SCN11A: variants seen among roughly 807,000 people sequenced by gnomAD.
The protein encoded by SCN11A is sodium channel protein type 11 subunit alpha.
SCN11A carries 122 observed loss-of-function variants against 162.2 expected under a neutral mutation model. The ratio of observed to expected loss-of-function variants is 0.75; its 90% CI spans 0.65 to 0.87. The LOEUF (loss-of-function observed/expected upper bound fraction) is 0.87, where lower values mean the gene tolerates loss of function less well. Among genes scored for constraint, SCN11A ranks in the 40% least tolerant of loss-of-function variants. The probability of loss-of-function intolerance (pLI) is 0.00; values close to 1 mark genes in which losing one functional copy is unlikely to be tolerated. For synonymous variants in SCN11A, 758 were observed against 751.5 expected, an observed-to-expected ratio of 1.01 and a Z score of -0.14; for missense variants, 2,015 against 2,181.6, an observed-to-expected ratio of 0.92 and a Z score of 1.52.
intron 2 of SCN11A, among the ~76,000 whole-genome samples, chr3:39,001,477 T>A (rs970957682): frequency 6.6e-6 from 1 of 152,382 alleles, no homozygotes; most frequent in Non-Finnish European, 1.5e-5. Context: ...TATGGCCAAA[T>A]AATATTCTAT....
At chr3:39,013,521 G>A (rs1422965416) in intron 2 of SCN11A, among the ~76,000 whole-genome samples, 1 of 151,870 alleles carries the variant, frequency 6.6e-6, no homozygotes, top group Non-Finnish European at 1.5e-5. Context: ...CTTGGAAAAT[G>A]CAGCCCACAG....
intron 3 of SCN11A, among the ~76,000 whole-genome samples, chr3:38,958,145 C>G (rs1377473871): frequency 1.3e-5 from 2 of 152,354 alleles, no homozygotes; most frequent in South Asian, 2.1e-4. Flanking sequence ...CATCCTTCCC[C>G]ACTCTGCTCA....
chr3:38,898,586 C>T (rs931614725), intron 17 of SCN11A, among the ~76,000 whole-genome samples: 10 of 152,162 alleles, frequency 6.6e-5, no homozygotes, highest in Non-Finnish European at 2.9e-5. Context: ...CTATTCAAGA[C>T]TTGTATACTT....
intron 11 of SCN11A, among the ~76,000 whole-genome samples, chr3:38,919,353 T>C (rs1307059635): frequency 6.6e-6 from 1 of 152,224 alleles, no homozygotes; most frequent in Non-Finnish European, 1.5e-5. Context: ...TCAGAGTACC[T>C]TGCATATTAT....
At chr3:38,963,397 TATATATATATATATATATATGATGGAG>T (rs1559558297) in intron 2 of SCN11A, among the ~76,000 whole-genome samples, 755 of 57,102 alleles carry the variant, frequency 0.013, 45 homozygotes, top group African/African-American at 0.085. Context: ...GATGGAGATA[TATATATATATATATATATATGATGGAG>T]ATATATATAT....
chr3:39,015,564 C>A (rs1399097610), intron 2 of SCN11A, among the ~76,000 whole-genome samples: 1 of 152,082 alleles, frequency 6.6e-6, no homozygotes, highest in African/African-American at 2.4e-5. Context: ...ATACTCTGTG[C>A]CTCTCCTAAT....
intron 7 of SCN11A, among the ~76,000 whole-genome samples, chr3:38,939,420 G>A (rs1268161499): frequency 1.3e-5 from 2 of 151,912 alleles, no homozygotes; most frequent in East Asian, 3.8e-4. Context: ...GAAGAATATA[G>A]CAAAATATTC....
At chr3:38,895,751 T>C (rs543027627) in intron 18 of SCN11A, among the ~76,000 whole-genome samples, 71 of 152,210 alleles carry the variant, frequency 4.7e-4, no homozygotes, top group African/African-American at 1.7e-3. Context: ...TCTATCTGTC[T>C]AAGTCCTCCT....
rs201598026 is a variant in SCN11A, at chr3:38,894,838, A to G, written c.2530T>C (p.Cys844Arg). 2.5e-5 allele frequency: 40 copies of G among 1,614,098 alleles called. No individual in the cohort carries two copies. Among genetic ancestry groups the G allele is most frequent in the Non-Finnish European group, 3.2e-5 (38 of 1,180,042 alleles). Residue 844 changes from cysteine to arginine, a missense_variant, in exon 19 of 30, where the codon TGT (cysteine) becomes CGT (arginine). Transcript: ENST00000302328. ...LALDRFRRAFCFVRHTLEHFC... is the reference protein window; with the variant it reads ...LALDRFRRAFRFVRHTLEHFC... ...TGCTCAAGAGTGTGTCTCACAAAAC[A>G]AAAAGCCCGGCGGAATCGATCCAGT...
chr3:38,961,432 C>G (rs900948507), intron 2 of SCN11A, among the ~76,000 whole-genome samples: 3 of 152,200 alleles, frequency 2.0e-5, no homozygotes, highest in Non-Finnish European at 2.9e-5. Context: ...CACCCAGGTC[C>G]TCTGGAGAGG....
chr3:38,951,473 C>G (rs1009961338), intron 4 of SCN11A, among the ~76,000 whole-genome samples: 1 of 152,270 alleles, frequency 6.6e-6, no homozygotes, highest in Non-Finnish European at 1.5e-5. Context: ...GCCTCCCCGA[C>G]AAGCACCGCC....
intron 15 of SCN11A, among the ~76,000 whole-genome samples, chr3:38,904,382 T>C (rs961862255): frequency 6.6e-6 from 1 of 152,278 alleles, no homozygotes; most frequent in East Asian, 1.9e-4. Flanking sequence ...GATATATAGA[T>C]GTGGAAATCA....
chr3:38,880,540 T>G (rs2065291875), intron 22 of SCN11A, among the ~76,000 whole-genome samples: 1 of 152,152 alleles, frequency 6.6e-6, no homozygotes. Flanking sequence ...CAGTGTCTCT[T>G]TATTGCTTAT....
chr3:38,955,241 C>T (rs1463379893), intron 3 of SCN11A, among the ~76,000 whole-genome samples: 1 of 152,188 alleles, frequency 6.6e-6, no homozygotes, highest in Non-Finnish European at 1.5e-5. Flanking sequence ...GAGCTGAGAT[C>T]ACTCTACTGC....
intron 5 of SCN11A, among the ~76,000 whole-genome samples, chr3:38,948,373 A>G (rs1001447050): frequency 6.6e-6 from 1 of 152,198 alleles, no homozygotes; most frequent in Non-Finnish European, 1.5e-5. Context: ...TTAACTCTAC[A>G]TGCCAGGGTT....
intron 1 of SCN11A, among the ~76,000 whole-genome samples, chr3:39,047,257 C>T (rs1028648817): frequency 2.6e-5 from 4 of 151,656 alleles, no homozygotes; most frequent in Non-Finnish European, 5.9e-5. Context: ...TTAACAAAGG[C>T]CCTATAACAT....
chr3:38,876,124 T>G (rs1307913601), intron 23 of SCN11A, among the ~76,000 whole-genome samples: 1 of 152,086 alleles, frequency 6.6e-6, no homozygotes, highest in Non-Finnish European at 1.5e-5. Flanking sequence ...AGCACCCTAT[T>G]CAACAAATGG....
At chr3:38,859,543 A>G (rs1559490988) in intron 28 of SCN11A, among the ~76,000 whole-genome samples, 2 of 152,154 alleles carry the variant, frequency 1.3e-5, no homozygotes, top group Non-Finnish European at 2.9e-5. Flanking sequence ...CCAACAAAAA[A>G]AAGTCCAGGA....
At chr3:38,938,961 G>A (rs2066399030) in intron 7 of SCN11A, among the ~76,000 whole-genome samples, 1 of 152,150 alleles carries the variant, frequency 6.6e-6, no homozygotes, top group African/African-American at 2.4e-5. Context: ...CGGATCACTT[G>A]AGTCCAGGAG....
Sources: gnomAD v4.1 joint callset for allele counts (sites outside exome capture counted in the v4.1 genomes callset) on GRCh38, gnomAD v4.1.1 for gene constraint, MANE v1.5 for transcripts, NCBI Gene and HGNC (gene_info 2026-07-23, HGNC 2026-07-21) for gene names.